CUX1: variants seen among roughly 807,000 people sequenced by gnomAD.
The protein encoded by CUX1 is cut like homeobox 1.
A neutral mutation model predicts 158.8 loss-of-function variants in CUX1; 31 were observed. The observed-to-expected ratio is 0.20, with a 90% CI of 0.15 to 0.26. CUX1 has a LOEUF of 0.26. Ranked by LOEUF, CUX1 falls within the 10% of genes least tolerant of loss-of-function variation. CUX1 has a pLI of 1.00. For synonymous variants in CUX1, 879 were observed against 862.1 expected, an observed-to-expected ratio of 1.02 and a Z score of -0.34; for missense variants, 1,589 against 2,014.6, an observed-to-expected ratio of 0.79 and a Z score of 4.04.
At position 102,111,791 on chromosome 7, in the gene CUX1, C is replaced by T; in HGVS notation, c.607+17C>T. 2 of 1,609,684 alleles carry T rather than the reference C, an allele frequency of 1.2e-6. No individual in the cohort carries two copies. Among genetic ancestry groups the T allele is most frequent in the South Asian group, 1.1e-5 (1 of 90,940 alleles). The stretch of plus-strand genomic sequence containing the variant: ...TACAAACAGGTTTGATACTCTCCTT[C>T]CTAGTACCATGGATGTGGGGAGGAC... On this transcript the variant is annotated intron_variant, in intron 7 of 23. Coordinates refer to ENST00000292535, the MANE Select transcript of CUX1 (RefSeq NM_181552.4).
chr7:102,219,055 AACACACAC>A lies in CUX1; in HGVS notation c.3131-8279_3131-8272del, dbSNP rs3138788. Reference sequence around the variant, plus strand: ...ACAACAGATCAAGACCCTGCCTCAAAACACACACACACACACACACACACACACACACA... The same window carrying A: ...ACAACAGATCAAGACCCTGCCTCAAAACACACACACACACACACACACACA... On this transcript the variant is annotated intron_variant, in intron 20 of 23. Coordinates refer to ENST00000292535, the MANE Select transcript of CUX1 (RefSeq NM_181552.4). 2.3e-3 allele frequency among the ~76,000 whole-genome samples: 295 copies of A among 126,356 alleles called. 1 individual carries two copies. Among genetic ancestry groups the A allele is most frequent in the African/African-American group, 7.7e-3 (256 of 33,256 alleles). 82.9% of individuals were successfully genotyped at this position (126,356 alleles called of 152,430 possible).
Position 101,958,940 on chromosome 7 carries a change from G to C in CUX1, c.141+42715G>C, listed in dbSNP as rs187069037. Reference sequence around the variant, plus strand: ...TACAGTCGTGGCTCACTGCAGCCTCGACCTCCCTGGCTTAAGCAATCCTCC... The same window carrying C: ...TACAGTCGTGGCTCACTGCAGCCTCCACCTCCCTGGCTTAAGCAATCCTCC... On this transcript the variant is annotated intron_variant, in intron 2 of 23. Coordinates refer to ENST00000292535, the MANE Select transcript of CUX1 (RefSeq NM_181552.4). Among the ~76,000 whole-genome samples, 16 of 131,696 alleles carry C rather than the reference G, an allele frequency of 1.2e-4. No individual in the cohort carries two copies. In the East Asian group the frequency reaches 2.9e-3, roughly 24 times the overall value. 86.4% of individuals were successfully genotyped at this position (131,696 alleles called of 152,430 possible).
intron 20 of CUX1, among the ~76,000 whole-genome samples, chr7:102,216,534 C>CCA (rs1400918269): frequency 9.8e-5 from 8 of 81,234 alleles, no homozygotes; most frequent in African/African-American, 1.6e-4. Flanking sequence ...ACTCTCCCCC[C>CCA]CACACACACA....
intron 21 of CUX1, chr7:102,281,968 C>T (rs1554549437): frequency 7.5e-7 from 1 of 1,329,608 alleles, no homozygotes; most frequent in South Asian, 1.2e-5. Flanking sequence ...CATCCCCAGC[C>T]CTGACCTCCA....
intron 2 of CUX1, among the ~76,000 whole-genome samples, chr7:101,979,324 G>A (rs570960071): frequency 4.6e-5 from 7 of 152,362 alleles, no homozygotes; most frequent in African/African-American, 1.7e-4. Context: ...CACCCACACC[G>A]AAGGAATGAA....
At chr7:101,825,798 T>TGTGTGCGC (rs1362738281) in intron 1 of CUX1, among the ~76,000 whole-genome samples, 64 of 78,408 alleles carry the variant, frequency 8.2e-4, no homozygotes, top group South Asian at 1.6e-3. Context: ...TGTGTGTGTG[T>TGTGTGCGC]GCGCGCGCGC....
intron 1 of CUX1, among the ~76,000 whole-genome samples, chr7:101,899,397 A>C (rs923947479): frequency 1.3e-5 from 2 of 152,100 alleles, no homozygotes; most frequent in African/African-American, 4.8e-5. Context: ...AAAAATACAA[A>C]AAAAATTAGC....
intron 4 of CUX1, among the ~76,000 whole-genome samples, chr7:102,092,793 A>G (rs894915021): frequency 2.0e-5 from 3 of 151,742 alleles, no homozygotes; most frequent in Non-Finnish European, 2.9e-5. Flanking sequence ...TGCGCCTGCA[A>G]TCTCAGATAC....
chr7:101,891,117 G>A (rs556167476), intron 1 of CUX1, among the ~76,000 whole-genome samples: 42 of 152,282 alleles, frequency 2.8e-4, no homozygotes, highest in Non-Finnish European at 5.4e-4. Context: ...ACCACTAGAG[G>A]TAGACACCAA....
intron 4 of CUX1, 45 bp from the exon 5 acceptor site, chr7:102,097,319 T>A (rs782565144): frequency 6.3e-7 from 1 of 1,578,412 alleles, no homozygotes; most frequent in Non-Finnish European, 8.6e-7. Context: ...GGAGGGGGCC[T>A]GTTTGCTGGC....
Position 102,257,457 on chromosome 7 carries a change from A to G in CUX1, c.*8415A>G. On this transcript the variant is annotated 3_prime_UTR_variant, in exon 24 of 24. Coordinates refer to ENST00000292535, the MANE Select transcript of CUX1 (RefSeq NM_181552.4). Reference sequence around the variant, plus strand: ...TCCCGTGTATTCTGGAGATGTGAGAATTCACCCAAAATTCTTAAAACATTG... The same window carrying G: ...TCCCGTGTATTCTGGAGATGTGAGAGTTCACCCAAAATTCTTAAAACATTG... 1.0e-6 allele frequency: 1 copy of G among 985,372 alleles called. No individual in the cohort carries two copies. The highest frequency in any genetic ancestry group is 1.2e-6 in the Non-Finnish European group (1 of 829,922). 61.0% of individuals were successfully genotyped at this position (985,372 alleles called of 1,614,324 possible).
intron 5 of CUX1, among the ~76,000 whole-genome samples, chr7:102,099,267 A>G (rs1829537897): frequency 6.6e-6 from 1 of 152,086 alleles, no homozygotes; most frequent in South Asian, 2.1e-4. Context: ...GAGAGTGGTG[A>G]GCCTTTAGGA....
chr7:101,827,244 CCTTCTCTTCTCTTCTCTTCT>C (rs538996031), intron 1 of CUX1, among the ~76,000 whole-genome samples: 97 of 129,790 alleles, frequency 7.5e-4, no homozygotes, highest in South Asian at 1.7e-3. Context: ...CCCCTCCCCT[CCTTCTCTTCTCTTCTCTTCT>C]CTTCTCTTCT....
chr7:101,982,829 G>A (rs1485169526), intron 2 of CUX1, among the ~76,000 whole-genome samples: 9 of 151,284 alleles, frequency 5.9e-5, no homozygotes, highest in South Asian at 2.1e-4. Flanking sequence ...CCATTAACTC[G>A]TCATTTACAT....
Position 102,256,279 on chromosome 7 carries a change from T to C in CUX1, c.*7237T>C. The C allele has an allele frequency of 1.0e-6, 1 of 985,418 alleles. No homozygotes were observed. Among genetic ancestry groups the C allele is most frequent in the Non-Finnish European group, 1.2e-6 (1 of 829,928 alleles). The allele number at this position is 985,418 out of a possible 1,614,324, so 61.0% of individuals were successfully genotyped here. On this transcript the variant is annotated 3_prime_UTR_variant, in exon 24 of 24. Transcript: ENST00000292535. ...ACTGACTGCTACTGACCTGCCGGCG[T>C]GCGTGAGGGTGATTATAAAAGGATG...
chr7:102,186,533 G>T (rs1306825326), intron 11 of CUX1, among the ~76,000 whole-genome samples: 4 of 151,928 alleles, frequency 2.6e-5, no homozygotes, highest in African/African-American at 9.7e-5. Flanking sequence ...ATAGGTGAAT[G>T]CGTTGTTGTG....
intron 20 of CUX1, among the ~76,000 whole-genome samples, chr7:102,208,429 C>T (rs985880561): frequency 2.0e-5 from 3 of 152,306 alleles, no homozygotes; most frequent in African/African-American, 4.8e-5. Context: ...TTAGTAGAGA[C>T]GGGGTTTCGC....
At chr7:102,272,565 G>A (rs559184635) in intron 14 of CUX1, among the ~76,000 whole-genome samples, 260 of 152,114 alleles carry the variant, frequency 1.7e-3, no homozygotes, top group Non-Finnish European at 3.0e-3. Flanking sequence ...GCCCTGAGCC[G>A]CACAGTCAAC....
At chr7:102,147,891 C>T (rs968644257) in intron 8 of CUX1, among the ~76,000 whole-genome samples, 5 of 152,058 alleles carry the variant, frequency 3.3e-5, no homozygotes, top group Non-Finnish European at 5.9e-5. Context: ...CCCAGCTACT[C>T]GGGAGGCTGA....
Sources: allele counts gnomAD v4.1 joint callset (sites outside exome capture counted in the v4.1 genomes callset), GRCh38; gene constraint gnomAD v4.1.1; transcripts MANE v1.5; gene names NCBI Gene and HGNC (gene_info 2026-07-23, HGNC 2026-07-21).